SOBP: variants seen among roughly 807,000 people sequenced by gnomAD.
The protein encoded by SOBP is sine oculis binding protein homolog.
In SOBP, 4 loss-of-function variants were observed where a neutral mutation model predicts 53.6. The observed-to-expected ratio is 0.07, with a 90% CI of 0.04 to 0.17. The LOEUF is 0.17. SOBP is among the 10% of genes least tolerant of loss of function. The probability of loss-of-function intolerance (pLI) is 1.00; values close to 1 mark genes in which losing one functional copy is unlikely to be tolerated. For synonymous variants in SOBP, 584 were observed against 522.6 expected (o/e 1.12, Z -1.60); for missense variants, 1,088 against 1,204.7 (o/e 0.90, Z 1.43).
intron 1 of SOBP, among the ~76,000 whole-genome samples, chr6:107,501,997 T>G (rs1782853744): frequency 6.6e-6 from 1 of 152,164 alleles, no homozygotes; most frequent in Non-Finnish European, 1.5e-5. Context: ...TCTTAATTGT[T>G]AATGCACTGT....
intron 3 of SOBP, among the ~76,000 whole-genome samples, chr6:107,515,515 G>A (rs1262761460): frequency 3.3e-5 from 5 of 152,134 alleles, no homozygotes; most frequent in East Asian, 1.9e-4. Flanking sequence ...TTGGGAGGCC[G>A]AGGTGGAGGG....
intron 5 of SOBP, among the ~76,000 whole-genome samples, chr6:107,597,451 AC>A (rs1457690490): frequency 6.6e-6 from 1 of 152,230 alleles, no homozygotes; most frequent in Non-Finnish European, 1.5e-5. Context: ...CATATAAAAT[AC>A]AATATATGAG....
intron 1 of SOBP, among the ~76,000 whole-genome samples, chr6:107,501,615 A>C (rs1034202333): frequency 2.0e-5 from 3 of 152,154 alleles, no homozygotes; most frequent in African/African-American, 7.2e-5. Flanking sequence ...GAAAAGTATA[A>C]GCCTCATCCT....
In SOBP at chr6:107,634,500, C is replaced by T. The variant is rs767089406; in HGVS notation, c.1656C>T (p.Pro552=). The change falls in exon 6 of 7, where the codon CCC becomes CCT. Residue 552 remains proline (P), a synonymous_variant. Coordinates refer to ENST00000317357, the MANE Select transcript of SOBP (RefSeq NM_018013.4). This position sits in a 1 kb window ranked among gnomAD's most constrained non-coding sequence, Gnocchi z 4.5. ...CTCACGTCAGCGACTCCAAGCCCCCCAACGGGTTCTCCAGCAACGGGGAGA... is the reference window on the plus strand; with the variant it reads ...CTCACGTCAGCGACTCCAAGCCCCCTAACGGGTTCTCCAGCAACGGGGAGA... ...PIPHVSDSKP[P]NGFSSNGENF... 75 of 1,611,732 alleles carry T rather than the reference C, an allele frequency of 4.7e-5. No individual in the cohort carries two copies. The highest frequency in any genetic ancestry group is 5.9e-5 in the Non-Finnish European group (70 of 1,179,934).
At chr6:107,507,170 A>G (rs1307794870) in intron 3 of SOBP, among the ~76,000 whole-genome samples, 2 of 152,134 alleles carry the variant, frequency 1.3e-5, no homozygotes, top group Non-Finnish European at 2.9e-5. Context: ...GTAAAAGGAC[A>G]TGAGGCAGGC....
At chr6:107,645,894 A>T (rs1771534652) in intron 6 of SOBP, among the ~76,000 whole-genome samples, 1 of 152,228 alleles carries the variant, frequency 6.6e-6, no homozygotes, top group African/African-American at 2.4e-5. Flanking sequence ...ATTAGGGATG[A>T]CCTTCCGGTT....
intron 1 of SOBP, among the ~76,000 whole-genome samples, chr6:107,493,007 A>T (rs1222766302): frequency 2.0e-5 from 3 of 152,212 alleles, no homozygotes; most frequent in Non-Finnish European, 2.9e-5. Context: ...TCTCAAAGTC[A>T]AAAGGTGGAA....
intron 6 of SOBP, among the ~76,000 whole-genome samples, chr6:107,654,003 T>C (rs1211545370): frequency 1.3e-5 from 2 of 152,318 alleles, no homozygotes; most frequent in East Asian, 1.9e-4. Context: ...GGTGGATGAG[T>C]ATCTAGATCA....
At chr6:107,537,117 A>G (rs1784022441) in intron 4 of SOBP, among the ~76,000 whole-genome samples, 1 of 152,094 alleles carries the variant, frequency 6.6e-6, no homozygotes, top group Admixed American at 6.5e-5. Context: ...GTGATTTTGC[A>G]CTCTTGTGAA....
rs925536639 is a variant in SOBP, at chr6:107,658,776, A to G, written c.*573A>G. On this transcript the variant is annotated 3_prime_UTR_variant, in exon 7 of 7. Coordinates refer to ENST00000317357, the MANE Select transcript of SOBP (RefSeq NM_018013.4). ...TGTCCTGCCCGGGATGCACTTTTAA[A>G]TGAAGAGTTAGAATATTTTATTGGC... 1.3e-5 allele frequency: 2 copies of G among 152,630 alleles called. No homozygotes were observed. The highest frequency in any genetic ancestry group is 2.9e-5 in the Non-Finnish European group (2 of 68,030). The allele number at this position is 152,630 out of a possible 1,614,324, so 9.5% of individuals were successfully genotyped here. A position where few individuals can be genotyped will look rare whatever the true frequency, so the allele number is the denominator to read the frequency against.
chr6:107,578,535 C>T (rs1335406041), intron 4 of SOBP, among the ~76,000 whole-genome samples: 1 of 152,068 alleles, frequency 6.6e-6, no homozygotes, highest in Non-Finnish European at 1.5e-5. Context: ...GTGTAAACTC[C>T]ATAATGTCTC....
At chr6:107,593,288 T>C (rs1285817395) in intron 5 of SOBP, among the ~76,000 whole-genome samples, 1 of 152,224 alleles carries the variant, frequency 6.6e-6, no homozygotes, top group African/African-American at 2.4e-5. Context: ...GCTTCTGCTC[T>C]GATATAGGGG....
At chr6:107,564,584 G>A (rs369010203) in intron 4 of SOBP, among the ~76,000 whole-genome samples, 27,360 of 151,938 alleles carry the variant, frequency 0.18, 2,722 homozygotes, top group South Asian at 0.3. Context: ...GTTGACCATA[G>A]CTCTGTGATT....
Position 107,533,462 on chromosome 6 carries a change from A to T in SOBP, c.425A>T (p.Asp142Val). The T allele has an allele frequency of 1.9e-6, 3 of 1,614,062 alleles. No individual in the cohort carries two copies. Among genetic ancestry groups the T allele is most frequent in the South Asian group, 1.1e-5 (1 of 91,074 alleles). Reference sequence around the variant, plus strand: ...TTTTCTTATACTTTTATTATAGAAGATGATGTGTCAAATGTACAAATAATG... The same window carrying T: ...TTTTCTTATACTTTTATTATAGAAGTTGATGTGTCAAATGTACAAATAATG... ...PPPFIKPPAE[D>V]DVSNVQIMCA... Residue 142 changes from aspartate to valine, a missense_variant, in exon 4 of 7, where the codon GAT becomes GTT. Physicochemically the swap from Asp to Val is radical, Grantham distance 152. Around this residue, in one of 6 missense-constraint regions of SOBP, gnomAD observed 112 missense variants for 117.9 expected, o/e 0.95. Coordinates refer to ENST00000317357, the MANE Select transcript of SOBP (RefSeq NM_018013.4).
chr6:107,622,950 C>G (rs569266004), intron 5 of SOBP, among the ~76,000 whole-genome samples: 1 of 152,158 alleles, frequency 6.6e-6, no homozygotes, highest in Non-Finnish European at 1.5e-5. Flanking sequence ...CCCCCATGCC[C>G]TGTGAAGAGT....
At chr6:107,549,898 C>G (rs1784415552) in intron 4 of SOBP, among the ~76,000 whole-genome samples, 1 of 152,096 alleles carries the variant, frequency 6.6e-6, no homozygotes, top group Non-Finnish European at 1.5e-5. Flanking sequence ...CAGGGATGTC[C>G]AGGGGCCTGG....
chr6:107,548,564 G>A (rs1304717861), intron 4 of SOBP, among the ~76,000 whole-genome samples: 3 of 151,978 alleles, frequency 2.0e-5, no homozygotes, highest in Admixed American at 6.6e-5. Flanking sequence ...AATTTTCAAC[G>A]TTCTTTATCA....
Position 107,527,789 on chromosome 6 carries a change from C to T in SOBP, c.422-5670C>T, listed in dbSNP as rs574937655. On this transcript the variant is annotated intron_variant, in intron 3 of 6. Coordinates refer to ENST00000317357, the MANE Select transcript of SOBP (RefSeq NM_018013.4). ...GCAAAGCAATGTACATCTACTACCTCATTTGCTTATAAAAAGTCACCCCCT... is the reference window on the plus strand; with the variant it reads ...GCAAAGCAATGTACATCTACTACCTTATTTGCTTATAAAAAGTCACCCCCT... Among the ~76,000 whole-genome samples, 30 of 152,342 alleles carry T rather than the reference C, an allele frequency of 2.0e-4. No homozygotes were observed. In the South Asian group the frequency reaches 3.7e-3, roughly 19 times the overall value.
chr6:107,565,429 T>G (rs1054998094), intron 4 of SOBP, among the ~76,000 whole-genome samples: 1 of 150,040 alleles, frequency 6.7e-6, no homozygotes, highest in African/African-American at 2.5e-5. Context: ...CTTCGTGGAA[T>G]CCAGTACAAG....
Sources: allele counts gnomAD v4.1 joint callset (sites outside exome capture counted in the v4.1 genomes callset), GRCh38; gene constraint gnomAD v4.1.1; regional missense constraint gnomAD v4.1.1; non-coding constraint Gnocchi (gnomAD v3.1); transcripts MANE v1.5; gene names NCBI Gene and HGNC (gene_info 2026-07-23, HGNC 2026-07-21).